VEZT: variants seen among roughly 807,000 people sequenced by gnomAD.
The protein encoded by VEZT is vezatin, adherens junctions transmembrane protein.
In VEZT, 39 loss-of-function variants were observed where a neutral mutation model predicts 79.9. That is an observed-to-expected ratio of 0.49 (90% CI 0.38 to 0.64). The LOEUF (loss-of-function observed/expected upper bound fraction) is 0.64, where lower values mean the gene tolerates loss of function less well. Ranked by LOEUF, VEZT falls within the 30% of genes least tolerant of loss-of-function variation. The pLI, the probability that VEZT is intolerant of heterozygous loss-of-function variation, is 0.00. For missense variants in VEZT, 837 were observed against 893.1 expected (o/e 0.94, Z 0.80); for synonymous variants, 325 against 327.6 (o/e 0.99, Z 0.09).
At chr12:95,232,877 C>G (rs1293775288) in intron 1 of VEZT, among the ~76,000 whole-genome samples, 1 of 152,134 alleles carries the variant, frequency 6.6e-6, no homozygotes, top group Non-Finnish European at 1.5e-5. Context: ...GCAATCTCGG[C>G]TCACTGCATC....
chr12:95,219,117 C>T (rs2057169795), intron 1 of VEZT, among the ~76,000 whole-genome samples: 1 of 152,084 alleles, frequency 6.6e-6, no homozygotes, highest in Admixed American at 6.6e-5. Context: ...ATGGCTTGGA[C>T]AGACACTTGT....
intron 1 of VEZT, among the ~76,000 whole-genome samples, chr12:95,239,806 G>T (rs574399322): frequency 2.0e-5 from 3 of 152,218 alleles, no homozygotes; most frequent in African/African-American, 7.2e-5. Flanking sequence ...ACAAAAATTA[G>T]CCAGGTGTGG....
rs553868251 is a variant in VEZT at position 95,233,837 on chromosome 12, A to G, written c.36+15951A>G. 4.6e-5 allele frequency among the ~76,000 whole-genome samples: 7 copies of G among 152,332 alleles called. No individual in the cohort carries two copies. In the East Asian group the frequency reaches 1.3e-3, roughly 29 times the overall value. The stretch of plus-strand genomic sequence containing the variant: ...CATTTTGTGGGTTTTTTAAAACACA[A>G]ATGGGGTTTTTAAATGGCTAGTACT... On this transcript the variant is annotated intron_variant, in intron 1 of 11. Coordinates refer to ENST00000436874, the MANE Select transcript of VEZT (RefSeq NM_017599.4).
At position 95,225,761 on chromosome 12, in the gene VEZT, CAAAAAAAAAAAAAAAA is replaced by C. The variant is rs531470163; in HGVS notation, c.36+7892_36+7907del. Among the ~76,000 whole-genome samples the C allele has an allele frequency of 7.7e-3, 313 of 40,872 alleles. 4 individuals carry two copies. The highest frequency in any genetic ancestry group is 0.019 in the Middle Eastern group (1 of 52). 26.8% of individuals were successfully genotyped at this position (40,872 alleles called of 152,430 possible). A position where few individuals can be genotyped will look rare whatever the true frequency, so the allele number is the denominator to read the frequency against. ...TTGCCTCCACAGCTTTGTTTCATAG[CAAAAAAAAAAAAAAAA>C]AAAAAAAAAAAAAAAAGAGAGAGAA... On this transcript the variant is annotated intron_variant, in intron 1 of 11. Coordinates refer to ENST00000436874, the MANE Select transcript of VEZT (RefSeq NM_017599.4).
intron 1 of VEZT, among the ~76,000 whole-genome samples, chr12:95,226,004 A>T (rs1034758463): frequency 2.0e-5 from 3 of 151,416 alleles, no homozygotes; most frequent in African/African-American, 7.3e-5. Flanking sequence ...CTGACGCAGG[A>T]GGATTGCTTA....
chr12:95,274,692 T>G (rs1223494729), intron 6 of VEZT, 50 bp from the exon 7 acceptor site: 1 of 1,567,484 alleles, frequency 6.4e-7, no homozygotes, highest in Admixed American at 1.9e-5. Flanking sequence ...TCACTGTATC[T>G]TTTATGCTTT....
chr12:95,239,066 T>C (rs962168876), intron 1 of VEZT, among the ~76,000 whole-genome samples: 13 of 152,226 alleles, frequency 8.5e-5, no homozygotes, highest in Admixed American at 6.5e-4. Context: ...CATATATAAG[T>C]GGATACTAAA....
chr12:95,285,951 T>A (rs2070669980), intron 8 of VEZT, among the ~76,000 whole-genome samples: 1 of 141,622 alleles, frequency 7.1e-6, no homozygotes. Context: ...TACTAGTAAA[T>A]AAAAAACCAA....
intron 1 of VEZT, among the ~76,000 whole-genome samples, chr12:95,251,092 C>A (rs1355927972): frequency 6.6e-6 from 1 of 152,080 alleles, no homozygotes; most frequent in East Asian, 1.9e-4. Flanking sequence ...CTCACTGCAA[C>A]CTTTGCCTCC....
intron 1 of VEZT, among the ~76,000 whole-genome samples, chr12:95,230,838 G>T (rs1402580002): frequency 6.6e-6 from 1 of 152,120 alleles, no homozygotes; most frequent in African/African-American, 2.4e-5. Context: ...AATATTTAAA[G>T]TAGCATCAGA....
intron 1 of VEZT, among the ~76,000 whole-genome samples, chr12:95,249,696 T>TAG (rs1365899381): frequency 5.3e-5 from 8 of 152,188 alleles, no homozygotes; most frequent in Admixed American, 5.2e-4. Context: ...TGGTCTATCT[T>TAG]AGGTATCTCT....
At chr12:95,280,553 ACT>A (rs1491085870) in intron 7 of VEZT, among the ~76,000 whole-genome samples, 4 of 143,386 alleles carry the variant, frequency 2.8e-5, no homozygotes. Context: ...ACACACACAC[ACT>A]ATTCCTCTTC....
chr12:95,280,192 A>G (rs1286454520), intron 7 of VEZT, among the ~76,000 whole-genome samples: 1 of 152,104 alleles, frequency 6.6e-6, no homozygotes, highest in South Asian at 2.1e-4. Context: ...GTTAACGCAT[A>G]AATCAGATTA....
intron 10 of VEZT, 117 bp from the exon 11 acceptor site, chr12:95,295,934 G>A: frequency 1.3e-6 from 1 of 752,790 alleles, no homozygotes; most frequent in Non-Finnish European, 2.1e-6. Context: ...TTAATGACCT[G>A]TGCCAAATGC....
chr12:95,251,489 A>G (rs767236863), intron 1 of VEZT, among the ~76,000 whole-genome samples: 1 of 152,210 alleles, frequency 6.6e-6, no homozygotes, highest in Non-Finnish European at 1.5e-5. Context: ...TGAATTAAGG[A>G]ATATGATGAG....
intron 4 of VEZT, among the ~76,000 whole-genome samples, chr12:95,265,022 A>C (rs2065261980): frequency 6.6e-6 from 1 of 151,258 alleles, no homozygotes. Context: ...AACCACACCC[A>C]GCTAATTTTT....
At chr12:95,294,039 C>A (rs1342567852) in intron 9 of VEZT, 42 of 397,300 alleles carry the variant, frequency 1.1e-4, no homozygotes, top group South Asian at 8.8e-4. Context: ...CAGGTGTGCA[C>A]CACCATGCCC....
intron 9 of VEZT, among the ~76,000 whole-genome samples, chr12:95,289,417 C>CAAAAAAAAAAAA (rs146728004): frequency 2.9e-5 from 2 of 69,464 alleles, no homozygotes; most frequent in African/African-American, 5.6e-5. Flanking sequence ...ACTCTTGTCT[C>CAAAAAAAAAAAA]AAAAAAAAAA....
chr12:95,244,026 A>G lies in VEZT; in HGVS notation c.37-7914A>G, dbSNP rs1220564512. On this transcript the variant is annotated intron_variant, in intron 1 of 11. Transcript: ENST00000436874. ...ATGAGCTAAGTAAGCTTCTTTCTTT[A>G]TAAAATATGCAGTGTCAAGTATTCT... is the stretch of plus-strand genomic sequence containing the variant. The G allele has an allele frequency of 1.8e-5, 8 of 455,668 alleles. No individual in the cohort carries two copies. The East Asian group carries it at 5.6e-4, about 32-fold the overall frequency. The allele number at this position is 455,668 out of a possible 1,614,324, so 28.2% of individuals were successfully genotyped here.
Sources: allele counts gnomAD v4.1 joint callset (sites outside exome capture counted in the v4.1 genomes callset), GRCh38; gene constraint gnomAD v4.1.1; transcripts MANE v1.5; gene names NCBI Gene and HGNC (gene_info 2026-07-23, HGNC 2026-07-21).